The following PFKFB3 variants were observed in gnomAD, a reference collection of about 807,000 sequenced individuals.
PFKFB3 encodes 6-phosphofructo-2-kinase/fructose-2,6-bisphosphatase 3.
In PFKFB3, 33 loss-of-function variants were observed where a neutral mutation model predicts 68.0. That is an observed-to-expected ratio of 0.49 (90% CI 0.37 to 0.65). PFKFB3 has a LOEUF of 0.65. PFKFB3 is among the 30% of genes least tolerant of loss of function. The pLI is 0.00. For synonymous variants in PFKFB3, 315 were observed against 288.2 expected, an observed-to-expected ratio of 1.09 and a Z score of -0.94; for missense variants, 586 against 712.2, an observed-to-expected ratio of 0.82 and a Z score of 2.02.
At chr10:6,284,047 T>G in the PFKFB3 span, among the ~76,000 whole-genome samples, 1 of 152,204 alleles carries the variant, frequency 6.6e-6, no homozygotes, top group South Asian at 2.1e-4. Context: ...TCTTTCTCAC[T>G]GCGAAAATCC....
At chr10:6,318,498 C>G in the PFKFB3 span, among the ~76,000 whole-genome samples, 1 of 152,190 alleles carries the variant, frequency 6.6e-6, no homozygotes, top group Admixed American at 6.5e-5. Context: ...CCTGTCCATT[C>G]CCGGAGCTGT....
chr10:6,267,418 T>C, the PFKFB3 span, among the ~76,000 whole-genome samples: 2 of 152,216 alleles, frequency 1.3e-5, no homozygotes, highest in East Asian at 1.9e-4. Flanking sequence ...ACTTGGCTAA[T>C]ACAGGGAAGT....
intron 1 of PFKFB3, among the ~76,000 whole-genome samples, chr10:6,196,765 C>T (rs898745417): frequency 6.6e-6 from 1 of 152,098 alleles, no homozygotes; most frequent in East Asian, 1.9e-4. Flanking sequence ...TTGGCAACAC[C>T]CTCACAGACA....
the PFKFB3 span, among the ~76,000 whole-genome samples, chr10:6,265,933 C>G: frequency 6.6e-6 from 1 of 151,154 alleles, no homozygotes; most frequent in African/African-American, 2.4e-5. Flanking sequence ...TTTTTAGAGA[C>G]TGGGTCTAGT....
intron 13 of PFKFB3, among the ~76,000 whole-genome samples, chr10:6,225,651 A>AT (rs1588528349): frequency 1.3e-5 from 2 of 152,116 alleles, no homozygotes; most frequent in African/African-American, 4.8e-5. Flanking sequence ...CCTGCTGCAC[A>AT]TTTTCTGCGC....
chr10:6,177,419 T>TTCTTTCTTCTTTC (rs1564599768), intron 1 of PFKFB3, among the ~76,000 whole-genome samples: 3 of 132,342 alleles, frequency 2.3e-5, no homozygotes, highest in African/African-American at 5.5e-5. Flanking sequence ...TTCTTTCTCT[T>TTCTTTCTTCTTTC]TCTTCCTTTC....
At chr10:6,237,841 C>G (rs1846051574), downstream of PFKFB3, among the ~76,000 whole-genome samples, 1 of 152,164 alleles carries the variant, frequency 6.6e-6, no homozygotes, top group African/African-American at 2.4e-5. Context: ...GCTGGGATTA[C>G]AGACGTGTGC....
chr10:6,224,966 G>A (rs998700594), intron 13 of PFKFB3, among the ~76,000 whole-genome samples: 1 of 149,774 alleles, frequency 6.7e-6, no homozygotes, highest in Admixed American at 6.6e-5. Flanking sequence ...CGGGAGGCGT[G>A]GAGAGCAGAG....
At chr10:6,203,370 C>A in intron 1 of PFKFB3, 34 bp downstream of exon 1, 1 of 1,521,870 alleles carries the variant, frequency 6.6e-7, no homozygotes, top group East Asian at 2.5e-5. Flanking sequence ...GGTTGCAGGG[C>A]GGGCTGCGCC....
chr10:6,272,242 C>T, the PFKFB3 span, among the ~76,000 whole-genome samples: 1 of 152,212 alleles, frequency 6.6e-6, no homozygotes, highest in Admixed American at 6.5e-5. Context: ...TCCCTTCTGT[C>T]CCTTAGGACT....
chr10:6,249,682 G>A (rs1218595996), intron 14 of PFKFB3, among the ~76,000 whole-genome samples: 1 of 152,172 alleles, frequency 6.6e-6, no homozygotes, highest in African/African-American at 2.4e-5. Flanking sequence ...TACAGAGGCT[G>A]GAGTATGGGA....
intron 14 of PFKFB3, among the ~76,000 whole-genome samples, chr10:6,249,178 TAAAAAAAAAAAAA>T (rs71391803): frequency 1.3e-5 from 1 of 76,960 alleles, no homozygotes; most frequent in African/African-American, 4.9e-5. Context: ...CCGTCTCAAT[TAAAAAAAAAAAAA>T]AAAAAAAAAA....
the PFKFB3 span, among the ~76,000 whole-genome samples, chr10:6,283,125 C>A: frequency 2.9e-4 from 44 of 152,262 alleles, no homozygotes; most frequent in East Asian, 6.8e-3. Context: ...GCCACCATGC[C>A]CAGCTAATTT....
rs755680356 is a variant in PFKFB3 at position 6,223,942 on chromosome 10, ACAATTT to A, written c.1214-7_1214-2del. 30 of 1,611,656 alleles carry A rather than the reference ACAATTT, an allele frequency of 1.9e-5. No homozygotes were observed. The East Asian group carries it at 5.8e-4, about 31-fold the overall frequency. ...GTGTCTCATTTCTAACTGTGGGTGT[ACAATTT>A]CAATTTCAGAGGAGATGCCCTACCT... On this transcript the variant is annotated splice_polypyrimidine_tract_variant and intron_variant, in intron 11 of 14. Coordinates refer to ENST00000379775, the MANE Select transcript of PFKFB3 (RefSeq NM_004566.4).
chr10:6,262,870 G>T, the PFKFB3 span, among the ~76,000 whole-genome samples: 1 of 152,214 alleles, frequency 6.6e-6, no homozygotes, highest in Non-Finnish European at 1.5e-5. Flanking sequence ...AGGGGGAGCT[G>T]CTGTCCAGCG....
intron 14 of PFKFB3, among the ~76,000 whole-genome samples, chr10:6,227,494 C>T (rs1404058087): frequency 6.6e-6 from 1 of 152,216 alleles, no homozygotes; most frequent in Non-Finnish European, 1.5e-5. Flanking sequence ...CTGCAGCCTC[C>T]ACAGGTCACT....
chr10:6,273,616 C>T, the PFKFB3 span, among the ~76,000 whole-genome samples: 1 of 152,322 alleles, frequency 6.6e-6, no homozygotes, highest in African/African-American at 2.4e-5. Context: ...CGTTGGAGTC[C>T]TACTCGCCAG....
chr10:6,221,533 T>C lies in PFKFB3; in HGVS notation c.978+6T>C. 19 of 1,612,762 alleles carry C rather than the reference T, an allele frequency of 1.2e-5. No homozygotes were observed. Among genetic ancestry groups the C allele is most frequent in the Non-Finnish European group, 1.5e-5 (18 of 1,179,744 alleles). On this transcript the variant is annotated splice_donor_region_variant and intron_variant, in intron 9 of 14. Coordinates refer to ENST00000379775, the MANE Select transcript of PFKFB3 (RefSeq NM_004566.4). ...CGCTCAATGAGATCGACGCGGTGAG[T>C]CCTGGGAGGCGGGCAGGCAGCCTCA...
chr10:6,326,191 C>A, the PFKFB3 span, among the ~76,000 whole-genome samples: 1 of 152,140 alleles, frequency 6.6e-6, no homozygotes, highest in South Asian at 2.1e-4. Context: ...CTGCAGAAAA[C>A]CAAACACTGC....
Sources: allele counts gnomAD v4.1 joint callset (sites outside exome capture counted in the v4.1 genomes callset), GRCh38; gene constraint gnomAD v4.1.1; transcripts MANE v1.5; gene names NCBI Gene and HGNC (gene_info 2026-07-23, HGNC 2026-07-21).